Variants in UTP20 observed in about 807,000 individuals in gnomAD.
The protein encoded by UTP20 is UTP20 small subunit processome component.
UTP20 carries 164 observed loss-of-function variants against 329.5 expected under a neutral mutation model. The observed-to-expected ratio is 0.50, with a 90% CI of 0.44 to 0.57. The LOEUF (loss-of-function observed/expected upper bound fraction) is 0.57, where lower values mean the gene tolerates loss of function less well. Ranked by LOEUF, UTP20 falls within the 20% of genes least tolerant of loss-of-function variation. The pLI, the probability that UTP20 is intolerant of heterozygous loss-of-function variation, is 0.00. For missense variants in UTP20, 3,055 were observed against 3,284.2 expected (o/e 0.93, Z 1.71); for synonymous variants, 1,151 against 1,159.3 (o/e 0.99, Z 0.14).
chr12:101,375,743 G>T lies in UTP20; in HGVS notation c.7383G>T (p.Leu2461Phe). The stretch of plus-strand genomic sequence containing the variant: ...AGTTTACCAAACCCGCTGAGACTTT[G>T]AGTAAAATCTGGAGTAAGTATTTCC... ...IIQFTKPAET[L>F]SKIWSHVHSH... Residue 2461 changes from leucine to phenylalanine, a missense_variant, in exon 56 of 62, where the codon TTG (leucine) becomes TTT (phenylalanine). Leu to Phe is a conservative substitution (Grantham distance 22, BLOSUM62 0). Around this residue, in one of 3 missense-constraint regions of UTP20, gnomAD observed 273 missense variants for 363.1 expected, o/e 0.75. Transcript: ENST00000261637. 2 of 1,566,632 alleles carry T rather than the reference G, an allele frequency of 1.3e-6. No individual in the cohort carries two copies. The highest frequency in any genetic ancestry group is 2.3e-5 in the South Asian group (2 of 86,722).
At chr12:101,289,909 T>C (rs1479170603) in intron 6 of UTP20, 3 of 255,092 alleles carry the variant, frequency 1.2e-5, no homozygotes, top group African/African-American at 6.7e-5. Flanking sequence ...GTAGTTTTTT[T>C]TGTAGTACAT....
intron 43 of UTP20, among the ~76,000 whole-genome samples, chr12:101,359,320 C>G (rs1271899893): frequency 6.6e-6 from 1 of 152,124 alleles, no homozygotes; most frequent in African/African-American, 2.4e-5. Context: ...CCTGCCTTGG[C>G]CTCCCAAAAT....
intron 29 of UTP20, 143 bp from the exon 30 acceptor site, chr12:101,337,908 T>C: frequency 1.3e-6 from 1 of 754,096 alleles, no homozygotes; most frequent in Non-Finnish European, 2.1e-6. Context: ...ATCCATCAAA[T>C]TTTAGATTTA....
rs1413114443 is a variant in UTP20, at chr12:101,312,247, G to A, written c.2523G>A (p.Glu841=). 1.9e-6 allele frequency: 3 copies of A among 1,614,126 alleles called. No individual in the cohort carries two copies. Residue 841 remains glutamate, a synonymous_variant, in exon 21 of 62, where the codon GAG becomes GAA. Coordinates refer to ENST00000261637, the MANE Select transcript of UTP20 (RefSeq NM_014503.3). ...FPERVEPRSR[E]LSPLFLRFIN... ...AAAGAGTAGAGCCACGGTCCAGGGAGCTTTCCCCGCTTTTCTTGAGATTTA... is the reference window on the plus strand; with the variant it reads ...AAAGAGTAGAGCCACGGTCCAGGGAACTTTCCCCGCTTTTCTTGAGATTTA...
At chr12:101,366,088 C>T (rs968101010) in intron 46 of UTP20, among the ~76,000 whole-genome samples, 5 of 152,100 alleles carry the variant, frequency 3.3e-5, no homozygotes, top group Non-Finnish European at 5.9e-5. Context: ...AAAAATTAGC[C>T]AGGCATGGTG....
chr12:101,374,204 C>T (rs1194382969), intron 54 of UTP20, among the ~76,000 whole-genome samples: 1 of 149,044 alleles, frequency 6.7e-6, no homozygotes, highest in Admixed American at 6.7e-5. Context: ...CACTGCACTC[C>T]AGCCTGGGCG....
At chr12:101,326,272 T>G (rs1868547619) in intron 25 of UTP20, among the ~76,000 whole-genome samples, 1 of 152,222 alleles carries the variant, frequency 6.6e-6, no homozygotes, top group African/African-American at 2.4e-5. Flanking sequence ...AAATGTTGTA[T>G]TTTATGTTTG....
intron 43 of UTP20, among the ~76,000 whole-genome samples, chr12:101,360,478 A>G (rs1869874770): frequency 6.6e-6 from 1 of 152,188 alleles, no homozygotes; most frequent in Admixed American, 6.6e-5. Context: ...TTGAAAAATC[A>G]TAGATCAAAA....
At chr12:101,362,488 G>T (rs1386182662) in intron 44 of UTP20, among the ~76,000 whole-genome samples, 2 of 152,090 alleles carry the variant, frequency 1.3e-5, no homozygotes, top group African/African-American at 4.8e-5. Context: ...CAGATCACTT[G>T]AGTCCAGGAG....
intron 14 of UTP20, among the ~76,000 whole-genome samples, chr12:101,301,091 AT>A (rs1487045865): frequency 1.3e-5 from 2 of 152,194 alleles, no homozygotes; most frequent in Non-Finnish European, 2.9e-5. Flanking sequence ...TGTAAAAAAC[AT>A]TTTTAGCTTG....
chr12:101,372,247 G>T (rs1437157625), intron 51 of UTP20, among the ~76,000 whole-genome samples: 2 of 152,222 alleles, frequency 1.3e-5, no homozygotes, highest in African/African-American at 4.8e-5. Context: ...TATTAATAAA[G>T]GAGGCTAGAT....
At chr12:101,291,562 AGAC>A in intron 8 of UTP20, 177 bp from the exon 9 acceptor site, 9 of 319,636 alleles carry the variant, frequency 2.8e-5, no homozygotes, top group East Asian at 6.0e-5. Context: ...AAAAAAAAAA[AGAC>A]TTAGAACAAT....
chr12:101,363,512 A>C, intron 44 of UTP20, 64 bp from the exon 45 acceptor site: 1 of 1,449,318 alleles, frequency 6.9e-7, no homozygotes, highest in African/African-American at 1.4e-5. Flanking sequence ...TTTTTCAGTG[A>C]CTGCTTATGT....
At chr12:101,288,078 C>G (rs1390748719) in intron 5 of UTP20, among the ~76,000 whole-genome samples, 5 of 152,236 alleles carry the variant, frequency 3.3e-5, no homozygotes, top group Admixed American at 6.5e-5. Flanking sequence ...CTTCCAGTCT[C>G]TTTCATGCCT....
At chr12:101,344,851 C>T in intron 36 of UTP20, 101 bp downstream of exon 36, 1 of 909,062 alleles carries the variant, frequency 1.1e-6, no homozygotes, top group Non-Finnish European at 1.6e-6. Context: ...AGGCTTAGTG[C>T]ATTTAATGAG....
Position 101,281,187 on chromosome 12 carries a change from C to T in UTP20, c.117C>T (p.Ser39=). 6.2e-7 allele frequency: 1 copy of T among 1,612,908 alleles called. No individual in the cohort carries two copies. The highest frequency in any genetic ancestry group is 2.2e-5 in the East Asian group (1 of 44,812). Reference sequence around the variant, plus strand: ...TTCACCGGATTGATAGAACTGCAAGCTATGAGGAGGTAAGAGAATGTGATA... The same window carrying T: ...TTCACCGGATTGATAGAACTGCAAGTTATGAGGAGGTAAGAGAATGTGATA... ...DIIHRIDRTA[S]YEEEVETYFF... Residue 39 remains serine, a synonymous_variant, in exon 2 of 62, where the codon AGC becomes AGT. Coordinates refer to ENST00000261637, the MANE Select transcript of UTP20 (RefSeq NM_014503.3).
At chr12:101,360,595 C>A (rs1593448495) in intron 43 of UTP20, among the ~76,000 whole-genome samples, 1 of 152,076 alleles carries the variant, frequency 6.6e-6, no homozygotes, top group East Asian at 1.9e-4. Context: ...AAAGCTGAGG[C>A]GGGCAGATCA....
At position 101,379,390 on chromosome 12, in the gene UTP20, G is replaced by C. The variant is rs1013744043; in HGVS notation, c.7416G>C (p.Leu2472=). 5.6e-6 allele frequency: 9 copies of C among 1,610,802 alleles called. No individual in the cohort carries two copies. Among genetic ancestry groups the C allele is most frequent in the Non-Finnish European group, 6.8e-6 (8 of 1,177,864 alleles). The change falls in exon 57 of 62, where the codon CTG becomes CTC. Residue 2472 remains leucine, a synonymous_variant. Coordinates refer to ENST00000261637, the MANE Select transcript of UTP20 (RefSeq NM_014503.3). ...CCTTAGGTCATGTGCATTCTCACCT[G>C]AGACATCCACACAACTGGGTGTGGC... ...SKIWSHVHSH[L]RHPHNWVWLT... is the part of the protein sequence containing the mutation.
chr12:101,345,910 C>T (rs537309839), intron 37 of UTP20, among the ~76,000 whole-genome samples: 10 of 152,268 alleles, frequency 6.6e-5, no homozygotes, highest in South Asian at 2.1e-4. Flanking sequence ...ATAATAGTGT[C>T]GCTTTTCTCT....
Sources: gnomAD v4.1 joint callset for allele counts (sites outside exome capture counted in the v4.1 genomes callset) on GRCh38, gnomAD v4.1.1 for gene constraint, gnomAD v4.1.1 regional missense constraint, MANE v1.5 for transcripts, NCBI Gene and HGNC (gene_info 2026-07-23, HGNC 2026-07-21) for gene names.